The following LRRCC1 variants were observed in gnomAD, a reference collection of about 807,000 sequenced individuals.
The protein encoded by LRRCC1 is leucine-rich repeat and coiled-coil domain-containing protein 1.
Under a neutral mutation model 126.0 loss-of-function variants are expected in LRRCC1, and 115 were observed. The ratio of observed to expected loss-of-function variants is 0.91; its 90% CI spans 0.78 to 1.07. The LOEUF is 1.07. Among genes scored for constraint, LRRCC1 ranks in the 50% least tolerant of loss-of-function variants. LRRCC1 has a pLI of 0.00. For missense variants in LRRCC1, 1,172 were observed against 1,175.7 expected (o/e 1.00, Z 0.05); for synonymous variants, 400 against 393.4 (o/e 1.02, Z -0.20).
chr8:85,133,573 G>T (rs1007845136), intron 12 of LRRCC1, among the ~76,000 whole-genome samples: 1 of 152,042 alleles, frequency 6.6e-6, no homozygotes, highest in African/African-American at 2.4e-5. Context: ...CATTTCTCCT[G>T]TCCCAGTTAA....
At chr8:85,116,546 A>C (rs1043421039) in intron 6 of LRRCC1, among the ~76,000 whole-genome samples, 2 of 151,602 alleles carry the variant, frequency 1.3e-5, no homozygotes, top group African/African-American at 2.4e-5. Flanking sequence ...CTAATTTTTA[A>C]ATTCTTTGTG....
At chr8:85,119,109 GA>G (rs969878930) in intron 6 of LRRCC1, among the ~76,000 whole-genome samples, 25 of 147,710 alleles carry the variant, frequency 1.7e-4, no homozygotes, top group Admixed American at 2.7e-4. Flanking sequence ...TGAATTTCTT[GA>G]AAAAAAAAAT....
At chr8:85,118,531 A>G (rs577347899) in intron 6 of LRRCC1, among the ~76,000 whole-genome samples, 2 of 152,042 alleles carry the variant, frequency 1.3e-5, no homozygotes, top group African/African-American at 2.4e-5. Context: ...CACCTCACCA[A>G]TATTTGGTGA....
chr8:85,139,379 C>T (rs1811100930), intron 17 of LRRCC1, among the ~76,000 whole-genome samples: 1 of 152,136 alleles, frequency 6.6e-6, no homozygotes, highest in Non-Finnish European at 1.5e-5. Context: ...ATTCTCCTGC[C>T]TCAGCCTCCC....
rs562373068 is a variant in LRRCC1 at position 85,146,022 on chromosome 8, C to A, written c.*511C>A. 2.6e-5 allele frequency: 4 copies of A among 152,274 alleles called. No homozygotes were observed. Among genetic ancestry groups the A allele is most frequent in the South Asian group, 4.1e-4 (2 of 4,824 alleles). 9.4% of individuals were successfully genotyped at this position (152,274 alleles called of 1,614,324 possible). On this transcript the variant is annotated 3_prime_UTR_variant, in exon 19 of 19. Coordinates refer to ENST00000360375, the MANE Select transcript of LRRCC1 (RefSeq NM_033402.5). ...GCCATCTCCACATCACTCATTATGA[C>A]CCCTTCTTTTATAATGCTTATATCT...
At chr8:85,123,324 TA>T in intron 6 of LRRCC1, 88 bp from the exon 7 acceptor site, 1 of 885,902 alleles carries the variant, frequency 1.1e-6, no homozygotes, top group Non-Finnish European at 1.8e-6. Context: ...CTTAATCATA[TA>T]AAAAGATATA....
chr8:85,126,587 T>C, intron 8 of LRRCC1, 102 bp from the exon 9 acceptor site: 1 of 940,346 alleles, frequency 1.1e-6, no homozygotes, highest in Middle Eastern at 2.2e-4. Context: ...TGTAGCTCTT[T>C]GAAGTAGGTA....
At position 85,145,582 on chromosome 8, in the gene LRRCC1, G is replaced by C. The variant is rs1811623620; in HGVS notation, c.*71G>C. The stretch of plus-strand genomic sequence containing the variant: ...GTAAAAATGATTAAATATTGTAATA[G>C]TAGTAACTGCTATGACTTTGAAATG... On this transcript the variant is annotated 3_prime_UTR_variant, in exon 19 of 19. Transcript: ENST00000360375. 7.8e-7 allele frequency: 1 copy of C among 1,277,540 alleles called. No homozygotes were observed. The highest frequency in any genetic ancestry group is 1.5e-5 in the African/African-American group (1 of 64,666). The allele number at this position is 1,277,540 out of a possible 1,614,324, so 79.1% of individuals were successfully genotyped here.
intron 7 of LRRCC1, among the ~76,000 whole-genome samples, chr8:85,124,373 T>C (rs1809803873): frequency 6.6e-6 from 1 of 152,168 alleles, no homozygotes; most frequent in Non-Finnish European, 1.5e-5. Context: ...GGACATACCC[T>C]GGAATTTCTT....
At chr8:85,141,281 C>T in intron 17 of LRRCC1, 101 bp from the exon 18 acceptor site, 6 of 829,096 alleles carry the variant, frequency 7.2e-6, no homozygotes, top group South Asian at 4.1e-5. Context: ...GTTATGTTTC[C>T]ATTAGTATGA....
chr8:85,127,519 T>A (rs1472158223), intron 9 of LRRCC1, among the ~76,000 whole-genome samples: 1 of 152,222 alleles, frequency 6.6e-6, no homozygotes, highest in African/African-American at 2.4e-5. Flanking sequence ...TGACATTTGC[T>A]AACACACTTT....
chr8:85,113,661 G>T (rs1331972101), intron 4 of LRRCC1, among the ~76,000 whole-genome samples: 3 of 151,986 alleles, frequency 2.0e-5, no homozygotes, highest in African/African-American at 7.2e-5. Flanking sequence ...AAGGGAACTA[G>T]GTAACTGGAG....
chr8:85,129,843 G>T, intron 10 of LRRCC1, 76 bp from the exon 11 acceptor site: 1 of 1,114,986 alleles, frequency 9.0e-7, no homozygotes. Context: ...CATTTAAAAG[G>T]TACTTATGGA....
chr8:85,113,178 A>T (rs1473091855), intron 4 of LRRCC1, 79 bp downstream of exon 4: 44 of 1,091,508 alleles, frequency 4.0e-5, no homozygotes, highest in Non-Finnish European at 5.6e-5. Flanking sequence ...GGCATTCGTG[A>T]CCTCATTTTA....
At chr8:85,131,686 C>A in intron 11 of LRRCC1, 74 bp from the exon 12 acceptor site, 3 of 1,121,576 alleles carry the variant, frequency 2.7e-6, no homozygotes, top group Non-Finnish European at 3.8e-6. Context: ...ATATTAAGAA[C>A]TACGTAAAGA....
At chr8:85,110,671 C>T (rs1808640230) in intron 3 of LRRCC1, among the ~76,000 whole-genome samples, 1 of 152,118 alleles carries the variant, frequency 6.6e-6, no homozygotes, top group African/African-American at 2.4e-5. Context: ...TGGCTACTGC[C>T]ATGTTGAACA....
chr8:85,118,655 A>C (rs2135937811), intron 6 of LRRCC1, among the ~76,000 whole-genome samples: 2 of 152,142 alleles, frequency 1.3e-5, no homozygotes, highest in East Asian at 3.9e-4. Flanking sequence ...TCATGTGTTT[A>C]TTGAATATTT....
intron 8 of LRRCC1, among the ~76,000 whole-genome samples, chr8:85,125,324 C>T (rs1809891762): frequency 6.6e-6 from 1 of 152,018 alleles, no homozygotes; most frequent in South Asian, 2.1e-4. Context: ...GTATATATTT[C>T]AAGGTTTTCA....
At chr8:85,107,672 C>G (rs1248248651) in intron 1 of LRRCC1, 2 of 307,164 alleles carry the variant, frequency 6.5e-6, no homozygotes, top group Non-Finnish European at 1.2e-5. Flanking sequence ...TTGTCCTCCA[C>G]CAGCTTCTGA....
Sources: allele counts gnomAD v4.1 joint callset (sites outside exome capture counted in the v4.1 genomes callset), GRCh38; gene constraint gnomAD v4.1.1; transcripts MANE v1.5; gene names NCBI Gene and HGNC (gene_info 2026-07-23, HGNC 2026-07-21).